The following AUTS2 variants were observed in gnomAD, a reference collection of about 807,000 sequenced individuals.
AUTS2 encodes the protein activator of transcription and developmental regulator AUTS2, also known as autism susceptibility gene 2 protein.
In AUTS2, 17 loss-of-function variants were observed where a neutral mutation model predicts 112.4. That is an observed-to-expected ratio of 0.15 (90% CI 0.10 to 0.23). AUTS2 has a LOEUF of 0.23. Among genes scored for constraint, AUTS2 ranks in the 10% least tolerant of loss-of-function variants. AUTS2 has a pLI of 1.00. For synonymous variants in AUTS2, 751 were observed against 702.7 expected, an observed-to-expected ratio of 1.07 and a Z score of -1.09; for missense variants, 1,510 against 1,701.6, an observed-to-expected ratio of 0.89 and a Z score of 1.98.
intron 12 of AUTS2, chr7:70,775,098 C>G (rs1790602060): frequency 4.0e-6 from 2 of 503,472 alleles, no homozygotes; most frequent in Admixed American, 7.7e-5. Context: ...AATCATGTTG[C>G]CAGAGGGCAC....
intron 4 of AUTS2, among the ~76,000 whole-genome samples, chr7:70,174,665 T>C (rs1808889323): frequency 6.6e-6 from 1 of 152,346 alleles, no homozygotes; most frequent in East Asian, 1.9e-4. Flanking sequence ...CCAAAAATTG[T>C]AGGGCACTTA....
chr7:70,049,226 T>G (rs1390875093), intron 2 of AUTS2, among the ~76,000 whole-genome samples: 1 of 152,218 alleles, frequency 6.6e-6, no homozygotes, highest in Non-Finnish European at 1.5e-5. Context: ...TAGTCACATT[T>G]CAATGAACAA....
intron 5 of AUTS2, among the ~76,000 whole-genome samples, chr7:70,473,666 C>G (rs894392578): frequency 3.3e-5 from 5 of 151,456 alleles, no homozygotes; most frequent in Non-Finnish European, 7.4e-5. Context: ...TCACTGGAGT[C>G]AAGAGAGTGC....
At chr7:69,900,068 G>A (rs1331548811) in intron 2 of AUTS2, among the ~76,000 whole-genome samples, 1 of 152,152 alleles carries the variant, frequency 6.6e-6, no homozygotes, top group Non-Finnish European at 1.5e-5. Context: ...TTGTATGAAC[G>A]TCTGATAATG....
intron 14 of AUTS2, among the ~76,000 whole-genome samples, chr7:70,779,657 G>C (rs1790937669): frequency 6.6e-6 from 1 of 152,200 alleles, no homozygotes; most frequent in South Asian, 2.1e-4. Context: ...GCAGGGCAAG[G>C]ATCCCTCAGG....
intron 4 of AUTS2, among the ~76,000 whole-genome samples, chr7:70,275,637 C>T (rs183102411): frequency 3.7e-4 from 56 of 152,256 alleles, no homozygotes; most frequent in African/African-American, 1.3e-3. Context: ...TTTTAGTTCC[C>T]ATAATCCCCA....
At chr7:69,658,939 CAT>C (rs1795666878) in intron 1 of AUTS2, among the ~76,000 whole-genome samples, 1 of 152,204 alleles carries the variant, frequency 6.6e-6, no homozygotes, top group South Asian at 2.1e-4. Flanking sequence ...TTGCTATTCA[CAT>C]ATCCACTTCC....
At chr7:70,191,277 C>T (rs1406074832) in intron 4 of AUTS2, among the ~76,000 whole-genome samples, 14 of 150,142 alleles carry the variant, frequency 9.3e-5, no homozygotes, top group Admixed American at 8.7e-4. Context: ...ACACCATTCT[C>T]CCACCTCAGC....
chr7:69,752,549 C>T (rs915147967), intron 1 of AUTS2, among the ~76,000 whole-genome samples: 5 of 152,142 alleles, frequency 3.3e-5, no homozygotes, highest in Non-Finnish European at 5.9e-5. Context: ...GCCGCTTGCA[C>T]TCAGTATTTA....
intron 2 of AUTS2, among the ~76,000 whole-genome samples, chr7:70,012,987 A>G (rs1422345554): frequency 1.3e-5 from 2 of 152,196 alleles, no homozygotes; most frequent in African/African-American, 2.4e-5. Context: ...GAGGAAAAGA[A>G]TATTTTATAG....
rs540254550 is a variant in AUTS2, at chr7:70,707,880, C to T, written c.742+9260C>T. ...CAAGCAGGGGCATTTCCCTAGCAAC[C>T]GATGACATAAGCACAAGGCCCAAAT... On this transcript the variant is annotated intron_variant, in intron 6 of 18. Transcript: ENST00000342771. Among the ~76,000 whole-genome samples the T allele has an allele frequency of 1.1e-4, 17 of 152,240 alleles. No homozygotes were observed. In the Middle Eastern group the frequency reaches 0.01, roughly 91 times the overall value.
At chr7:70,084,042 A>T (rs1803457810) in intron 2 of AUTS2, among the ~76,000 whole-genome samples, 1 of 152,012 alleles carries the variant, frequency 6.6e-6, no homozygotes, top group Non-Finnish European at 1.5e-5. Context: ...TCTCCACCCC[A>T]GCTTATTCCC....
At chr7:69,738,217 A>G (rs1447194628) in intron 1 of AUTS2, among the ~76,000 whole-genome samples, 1 of 151,794 alleles carries the variant, frequency 6.6e-6, no homozygotes, top group East Asian at 1.9e-4. Context: ...TCTAAGCCAT[A>G]TCCTTGGATC....
chr7:70,644,080 G>T (rs912939282), intron 5 of AUTS2, among the ~76,000 whole-genome samples: 1 of 152,160 alleles, frequency 6.6e-6, no homozygotes, highest in Non-Finnish European at 1.5e-5. Context: ...TACTGCTTCC[G>T]TTGATTTTTC....
rs376667842 is a variant in AUTS2 at position 69,846,654 on chromosome 7, A to G, written c.310-52632A>G. Among the ~76,000 whole-genome samples the G allele has an allele frequency of 9.9e-4, 151 of 152,230 alleles. 2 individuals are homozygous for G. The highest frequency in any genetic ancestry group is 6.4e-3 in the South Asian group (31 of 4,818). ...AGTGGCACAATCTTGGCTCACTACA[A>G]TCTCCACCTCTTGGGTTCAAGTAAT... On this transcript the variant is annotated intron_variant, in intron 1 of 18. Transcript: ENST00000342771.
Position 70,479,968 on chromosome 7 carries a change from C to A in AUTS2, c.690+44187C>A, listed in dbSNP as rs573430916. 3.0e-4 allele frequency among the ~76,000 whole-genome samples: 46 copies of A among 152,332 alleles called. 2 individuals are homozygous for A. The South Asian group carries it at 7.7e-3, about 25-fold the overall frequency. ...TTTAGGTCTTCTTGTGTTCCAAGCA[C>A]TGTGCTAAACACAGACTGTCCCCCC... On this transcript the variant is annotated intron_variant, in intron 5 of 18. Coordinates refer to ENST00000342771, the MANE Select transcript of AUTS2 (RefSeq NM_015570.4).
At chr7:70,018,321 G>A (rs559769895) in intron 2 of AUTS2, among the ~76,000 whole-genome samples, 1 of 151,712 alleles carries the variant, frequency 6.6e-6, no homozygotes, top group Non-Finnish European at 1.5e-5. Context: ...GTATAATAAA[G>A]TGCAGCTGGA....
chr7:70,235,475 T>A (rs989556919), intron 4 of AUTS2, among the ~76,000 whole-genome samples: 2 of 152,106 alleles, frequency 1.3e-5, no homozygotes, highest in Non-Finnish European at 2.9e-5. Flanking sequence ...ATGTTGGTTG[T>A]GTCACCAGCC....
At chr7:69,834,073 T>C (rs1791615504) in intron 1 of AUTS2, among the ~76,000 whole-genome samples, 1 of 152,110 alleles carries the variant, frequency 6.6e-6, no homozygotes, top group African/African-American at 2.4e-5. Context: ...GCAGCAGGGC[T>C]CTGGTAAGTC....
Sources: gnomAD v4.1 joint callset for allele counts (sites outside exome capture counted in the v4.1 genomes callset) on GRCh38, gnomAD v4.1.1 for gene constraint, MANE v1.5 for transcripts, NCBI Gene and HGNC (gene_info 2026-07-23, HGNC 2026-07-21) for gene names.